Variants in POSTN observed in about 807,000 individuals in gnomAD.
The protein encoded by POSTN is osteoblast specific factor 2 (fasciclin I-like).
In POSTN, 71 loss-of-function variants were observed where a neutral mutation model predicts 104.5. The observed-to-expected ratio is 0.68, with a 90% CI of 0.56 to 0.83. The LOEUF (loss-of-function observed/expected upper bound fraction) is 0.83. Among genes scored for constraint, POSTN ranks in the 40% least tolerant of loss-of-function variants. POSTN has a pLI of 0.00. For synonymous variants in POSTN, 355 were observed against 340.7 expected, an observed-to-expected ratio of 1.04 and a Z score of -0.46; for missense variants, 949 against 1,006.8, an observed-to-expected ratio of 0.94 and a Z score of 0.78.
In POSTN at chr13:37,590,461, C is replaced by G; in HGVS notation, c.352G>C (p.Asp118His). The G allele has an allele frequency of 6.2e-7, 1 of 1,613,448 alleles. No individual in the cohort carries two copies. Among genetic ancestry groups the G allele is most frequent in the Non-Finnish European group, 8.5e-7 (1 of 1,179,584 alleles). ...ATCTCCTCCCTCAGTTTTGAGGCGT[C>G]AGAATAGCGCTGCGTTGTGGTGGCT... ...VGATTTQRYS[D>H]ASKLREEIEG... The change falls in exon 4 of 23, where the codon GAC (aspartate) becomes CAC (histidine). Residue 118 changes from aspartate to histidine, a missense_variant. Coordinates refer to ENST00000379747, the MANE Select transcript of POSTN (RefSeq NM_006475.3).
Position 37,579,401 on chromosome 13 carries a change from T to C in POSTN, c.1661-42A>G, listed in dbSNP as rs1462129636. On this transcript the variant is annotated intron_variant, in intron 12 of 22. Coordinates refer to ENST00000379747, the MANE Select transcript of POSTN (RefSeq NM_006475.3). ...GTTTATTTTTATTGAATAATATGAC[T>C]TTTTGATAAGGACTAAGAAACAAAA... The C allele has an allele frequency of 3.4e-6, 5 of 1,470,796 alleles. No homozygotes were observed. In the East Asian group the frequency reaches 9.1e-5, roughly 27 times the overall value. 91.1% of individuals were successfully genotyped at this position (1,470,796 alleles called of 1,614,324 possible).
intron 16 of POSTN, among the ~76,000 whole-genome samples, chr13:37,575,087 CT>C (rs1029878430): frequency 1.6e-4 from 24 of 151,988 alleles, no homozygotes; most frequent in African/African-American, 5.8e-4. Context: ...AAGAAAAAGG[CT>C]TTTAAAATGT....
Position 37,563,318 on chromosome 13 carries a change from C to A in POSTN, c.*15G>T. 6.4e-7 allele frequency: 1 copy of A among 1,569,852 alleles called. No individual in the cohort carries two copies. Among genetic ancestry groups the A allele is most frequent in the Non-Finnish European group, 8.7e-7 (1 of 1,146,218 alleles). ...CTTAGGGTTGTATAAACATTTTTTTCTGGTTTTTGGATTTTCACTGAGAAC... is the reference window on the plus strand; with the variant it reads ...CTTAGGGTTGTATAAACATTTTTTTATGGTTTTTGGATTTTCACTGAGAAC... On this transcript the variant is annotated 3_prime_UTR_variant, in exon 23 of 23. Transcript: ENST00000379747.
At chr13:37,567,053 G>A (rs1284453322) in intron 21 of POSTN, among the ~76,000 whole-genome samples, 1 of 149,246 alleles carries the variant, frequency 6.7e-6, no homozygotes, top group Non-Finnish European at 1.5e-5. Context: ...CGGCTAAAAC[G>A]GTGAAACCCC....
chr13:37,567,134 G>A (rs188787519), intron 21 of POSTN, among the ~76,000 whole-genome samples: 12,051 of 140,396 alleles, frequency 0.086, 728 homozygotes, highest in South Asian at 0.17. Flanking sequence ...TACTTGGGAG[G>A]CTGAGGCAGG....
chr13:37,574,636 G>C lies in POSTN; in HGVS notation c.2025C>G (p.Thr675=). The C allele has an allele frequency of 6.3e-7, 1 of 1,596,964 alleles. No individual in the cohort carries two copies. The highest frequency in any genetic ancestry group is 1.1e-5 in the South Asian group (1 of 87,390). The change falls in exon 17 of 23, where the codon ACC becomes ACG. Residue 675 remains threonine, a synonymous_variant. Transcript: ENST00000379747. ...CTTTAATTTTTGGTTCCACAACTTT[G>C]GTTATAATTTTAGTTGCTGAAAGTA... The part of the protein sequence containing the change: ...PVTVYTTKII[T]KVVEPKIKVI...
At chr13:37,578,932 T>C (rs1396046808) in intron 14 of POSTN, 21 bp from the exon 15 acceptor site, 5 of 1,593,100 alleles carry the variant, frequency 3.1e-6, no homozygotes, top group Non-Finnish European at 4.3e-6. Flanking sequence ...AAATATTAAA[T>C]GAATATTGGT....
At chr13:37,595,301 G>A (rs1002587876) in intron 2 of POSTN, among the ~76,000 whole-genome samples, 1 of 152,142 alleles carries the variant, frequency 6.6e-6, no homozygotes, top group African/African-American at 2.4e-5. Flanking sequence ...GAGCCTTAGA[G>A]TCCCTACTGG....
chr13:37,568,648 A>T (rs1429932656), intron 21 of POSTN: 1 of 151,866 alleles, frequency 6.6e-6, no homozygotes, highest in East Asian at 1.9e-4. Flanking sequence ...ACATCTTTGA[A>T]TAATTACTAT....
intron 18 of POSTN, 185 bp from the exon 19 acceptor site, chr13:37,570,854 T>C (rs557591252): frequency 4.0e-6 from 2 of 497,818 alleles, no homozygotes; most frequent in South Asian, 5.8e-5. Context: ...GTAATAGCTA[T>C]GTCCTGAATC....
At chr13:37,577,645 G>T (rs1950447158) in intron 16 of POSTN, 108 bp downstream of exon 16, 2 of 1,435,376 alleles carry the variant, frequency 1.4e-6, no homozygotes, top group South Asian at 3.3e-5. Context: ...CCATAGTTTG[G>T]AATTCTAAAT....
At chr13:37,588,340 A>G (rs1434069101) in intron 4 of POSTN, among the ~76,000 whole-genome samples, 3 of 152,288 alleles carry the variant, frequency 2.0e-5, no homozygotes, top group Non-Finnish European at 2.9e-5. Flanking sequence ...AACAAAAATG[A>G]CATTATATTT....
rs762271638 is a variant in POSTN at position 37,571,462 on chromosome 13, G to A, written c.2090-4C>T. 1 of 1,585,924 alleles carries A rather than the reference G, an allele frequency of 6.3e-7. No homozygotes were observed. Among genetic ancestry groups the A allele is most frequent in the Non-Finnish European group, 8.6e-7 (1 of 1,156,134 alleles). On this transcript the variant is annotated splice_region_variant and splice_polypyrimidine_tract_variant and intron_variant, in intron 17 of 22. Transcript: ENST00000379747. ...TTGACTTTTGTTAGTGTGGGTCCTG[G>A]GACATTATTTTAGGAGACAAATTAT...
chr13:37,585,000 T>C, intron 7 of POSTN, 72 bp from the exon 8 acceptor site: 1 of 1,569,050 alleles, frequency 6.4e-7, no homozygotes, highest in Non-Finnish European at 8.6e-7. Context: ...AAGATGTGTT[T>C]CACTGTGGAA....
Position 37,598,748 on chromosome 13 carries a change from T to C in POSTN, c.-22A>G, listed in dbSNP as rs1180886527. ...TCATCTTGAGTCTCTCCGTTGCAGT[T>C]AGTCCCCGAAGAGAACTGGCAGTGG... On this transcript the variant is annotated 5_prime_UTR_variant, in exon 1 of 23. Coordinates refer to ENST00000379747, the MANE Select transcript of POSTN (RefSeq NM_006475.3). 6.2e-7 allele frequency: 1 copy of C among 1,610,908 alleles called. No homozygotes were observed. Among genetic ancestry groups the C allele is most frequent in the East Asian group, 2.2e-5 (1 of 44,816 alleles).
chr13:37,574,492 A>G (rs982862003), intron 17 of POSTN, 80 bp downstream of exon 17: 2 of 1,464,918 alleles, frequency 1.4e-6, no homozygotes, highest in African/African-American at 1.5e-5. Context: ...TTTTAAAAGA[A>G]TGTAGATACA....
Position 37,563,243 on chromosome 13 carries a change from G to A in POSTN, c.*90C>T, listed in dbSNP as rs982022061. 2 of 731,816 alleles carry A rather than the reference G, an allele frequency of 2.7e-6. No homozygotes were observed. Among genetic ancestry groups the A allele is most frequent in the East Asian group, 2.7e-5 (1 of 36,798 alleles). 45.3% of individuals were successfully genotyped at this position (731,816 alleles called of 1,614,324 possible). ...ATTGCTTCTTTGTGCTGATGTTTCA[G>A]TTCCTGAAGTCAACTTGGCTCTCAC... On this transcript the variant is annotated 3_prime_UTR_variant, in exon 23 of 23. Coordinates refer to ENST00000379747, the MANE Select transcript of POSTN (RefSeq NM_006475.3).
intron 3 of POSTN, among the ~76,000 whole-genome samples, chr13:37,591,799 C>G (rs1950942490): frequency 2.0e-5 from 3 of 152,016 alleles, no homozygotes. Flanking sequence ...TAGTTGAGTT[C>G]CATGTTCCTA....
In POSTN at chr13:37,571,474, A is replaced by G; in HGVS notation, c.2090-16T>C. ...AGTGTGGGTCCTGGGACATTATTTT[A>G]GGAGACAAATTATCATGTTAAAACA... On this transcript the variant is annotated splice_polypyrimidine_tract_variant and intron_variant, in intron 17 of 22. Coordinates refer to ENST00000379747, the MANE Select transcript of POSTN (RefSeq NM_006475.3). 1 of 1,548,476 alleles carries G rather than the reference A, an allele frequency of 6.5e-7. No homozygotes were observed. The highest frequency in any genetic ancestry group is 8.9e-7 in the Non-Finnish European group (1 of 1,123,194).
Sources: allele counts gnomAD v4.1 joint callset (sites outside exome capture counted in the v4.1 genomes callset), GRCh38; gene constraint gnomAD v4.1.1; transcripts MANE v1.5; gene names NCBI Gene and HGNC (gene_info 2026-07-23, HGNC 2026-07-21).